Variants in CPED1 observed in about 807,000 individuals in gnomAD.
CPED1 encodes the protein cadherin-like and PC-esterase domain-containing protein 1.
Under a neutral mutation model 128.2 loss-of-function variants are expected in CPED1, and 114 were observed. That is an observed-to-expected ratio of 0.89 (90% CI 0.76 to 1.04). CPED1 has a LOEUF of 1.04. Ranked by LOEUF, CPED1 falls within the 50% of genes least tolerant of loss-of-function variation. CPED1 has a pLI of 0.00. For synonymous variants in CPED1, 462 were observed against 426.7 expected, an observed-to-expected ratio of 1.08 and a Z score of -1.02; for missense variants, 1,211 against 1,207.1, an observed-to-expected ratio of 1.00 and a Z score of -0.05.
intron 8 of CPED1, 55 bp downstream of exon 8, chr7:121,124,528 T>C: frequency 7.8e-7 from 1 of 1,279,872 alleles, no homozygotes; most frequent in Non-Finnish European, 1.0e-6. Flanking sequence ...GCAACCTATC[T>C]TTTAAAAATT....
chr7:121,231,261 C>A (rs1798134069), intron 16 of CPED1, among the ~76,000 whole-genome samples: 1 of 152,004 alleles, frequency 6.6e-6, no homozygotes, highest in Non-Finnish European at 1.5e-5. Context: ...AAAGAAGCAA[C>A]CTTCACAGAT....
Position 121,210,767 on chromosome 7 carries a change from C to A in CPED1, c.2056-25947C>A, listed in dbSNP as rs115394206. Among the ~76,000 whole-genome samples the A allele has an allele frequency of 3.3e-5, 5 of 151,340 alleles. No homozygotes were observed. In the South Asian group the frequency reaches 1.0e-3, roughly 32 times the overall value. On this transcript the variant is annotated intron_variant, in intron 16 of 22. Transcript: ENST00000310396. Reference sequence around the variant, plus strand: ...ATAGCACGAGAGTGACTACAGTCAACAATAATCTATTATACATTTGAAAAT... The same window carrying A: ...ATAGCACGAGAGTGACTACAGTCAAAAATAATCTATTATACATTTGAAAAT...
At chr7:121,057,354 T>C (rs1360318107) in intron 4 of CPED1, among the ~76,000 whole-genome samples, 1 of 152,170 alleles carries the variant, frequency 6.6e-6, no homozygotes, top group African/African-American at 2.4e-5. Flanking sequence ...GGGTATATTG[T>C]ATAATGCTGA....
rs191631967 is a variant in CPED1 at position 120,998,009 on chromosome 7, G to T, written c.249+8139G>T. 1.6e-3 allele frequency among the ~76,000 whole-genome samples: 241 copies of T among 151,594 alleles called. 2 individuals carry two copies. Among genetic ancestry groups the T allele is most frequent in the African/African-American group, 5.6e-3 (231 of 41,360 alleles). On this transcript the variant is annotated intron_variant, in intron 2 of 22. Coordinates refer to ENST00000310396, the MANE Select transcript of CPED1 (RefSeq NM_024913.5). ...TAAAAAGAAGAGGACAGCATAGGAAGACAGAGACACACAGGGAGAATGCCA... is the reference window on the plus strand; with the variant it reads ...TAAAAAGAAGAGGACAGCATAGGAATACAGAGACACACAGGGAGAATGCCA...
rs191872434 is a variant in CPED1, at chr7:121,082,192, A to T, written c.617-15507A>T. 5.7e-4 allele frequency among the ~76,000 whole-genome samples: 87 copies of T among 152,290 alleles called. 1 individual carries two copies. The highest frequency in any genetic ancestry group is 1.9e-3 in the African/African-American group (80 of 41,560). ...TTTTCTAGACTTGTAAAATGGAAAT[A>T]ATTAAACTGACCATTCTTTCCTTAT... On this transcript the variant is annotated intron_variant, in intron 5 of 22. Transcript: ENST00000310396.
intron 16 of CPED1, among the ~76,000 whole-genome samples, chr7:121,148,195 A>G (rs1796069293): frequency 6.6e-6 from 1 of 152,308 alleles, no homozygotes; most frequent in East Asian, 1.9e-4. Context: ...CAACAATACA[A>G]TATGTGCTAT....
At chr7:121,211,963 T>G (rs1173642229) in intron 16 of CPED1, among the ~76,000 whole-genome samples, 1 of 152,026 alleles carries the variant, frequency 6.6e-6, no homozygotes, top group African/African-American at 2.4e-5. Flanking sequence ...TGACATTTCT[T>G]CACTACACCT....
intron 3 of CPED1, among the ~76,000 whole-genome samples, chr7:121,021,623 G>T (rs947906984): frequency 6.6e-6 from 1 of 151,968 alleles, no homozygotes; most frequent in Admixed American, 6.6e-5. Context: ...AAATTAAAAA[G>T]TATAAGCATT....
chr7:120,989,734 C>A lies in CPED1; in HGVS notation c.113C>A (p.Ser38Ter), dbSNP rs149960034. Residue 38 changes from serine (S) to a stop codon, truncating the protein, a stop_gained, in exon 2 of 23, where the codon TCG becomes TAG. Coordinates refer to ENST00000310396, the MANE Select transcript of CPED1 (RefSeq NM_024913.5). LOFTEE classifies it high-confidence loss of function. The part of the protein sequence containing the change: ...LFYQTLTLRG[S>*]RKLTAAAPGA... The stretch of plus-strand genomic sequence containing the variant: ...TACCAGACTCTGACCCTCCGAGGGT[C>A]GAGGAAGCTCACAGCCGCTGCCCCT... The A allele has an allele frequency of 6.2e-7, 1 of 1,613,836 alleles. No individual in the cohort carries two copies. The highest frequency in any genetic ancestry group is 1.7e-5 in the Admixed American group (1 of 59,984).
intron 9 of CPED1, 39 bp from the exon 10 acceptor site, chr7:121,127,051 T>A: frequency 7.0e-7 from 1 of 1,428,354 alleles, no homozygotes; most frequent in Non-Finnish European, 9.4e-7. Flanking sequence ...TAAAAGTAAA[T>A]CGATGAAAAA....
chr7:120,992,869 T>C (rs926528513), intron 2 of CPED1, among the ~76,000 whole-genome samples: 1 of 152,188 alleles, frequency 6.6e-6, no homozygotes, highest in Non-Finnish European at 1.5e-5. Flanking sequence ...TGATGGTGGG[T>C]GACTTTACCC....
intron 16 of CPED1, among the ~76,000 whole-genome samples, chr7:121,210,193 C>T (rs1797611625): frequency 6.6e-6 from 1 of 151,856 alleles, no homozygotes; most frequent in East Asian, 1.9e-4. Context: ...AAAGGAGAAC[C>T]TTATATGCTG....
At chr7:121,219,761 A>G (rs1377930543) in intron 16 of CPED1, among the ~76,000 whole-genome samples, 1 of 152,046 alleles carries the variant, frequency 6.6e-6, no homozygotes, top group Non-Finnish European at 1.5e-5. Context: ...AGCCGTATGT[A>G]CTATCCTCTA....
chr7:121,261,270 C>G (rs1009180083), intron 18 of CPED1, among the ~76,000 whole-genome samples: 2 of 152,066 alleles, frequency 1.3e-5, no homozygotes, highest in African/African-American at 4.8e-5. Context: ...TATTATTCAT[C>G]TCAGAAAACC....
chr7:121,115,845 A>T (rs530587776), intron 7 of CPED1, among the ~76,000 whole-genome samples: 1 of 152,350 alleles, frequency 6.6e-6, no homozygotes, highest in African/African-American at 2.4e-5. Flanking sequence ...ATTCATATAA[A>T]GAAAATGAGC....
Position 121,297,022 on chromosome 7 carries a change from A to G in CPED1, c.*1370A>G, listed in dbSNP as rs1055639454. ...TATTTTTATATATATTTTTATATGA[A>G]GATAAACATGAATTTATATTTAACT... On this transcript the variant is annotated 3_prime_UTR_variant, in exon 23 of 23. Transcript: ENST00000310396. 4 of 152,034 alleles carry G rather than the reference A, an allele frequency of 2.6e-5. No individual in the cohort carries two copies. The highest frequency in any genetic ancestry group is 6.6e-5 in the Admixed American group (1 of 15,264). 9.4% of individuals were successfully genotyped at this position (152,034 alleles called of 1,614,324 possible). A position where few individuals can be genotyped will look rare whatever the true frequency, so the allele number is the denominator to read the frequency against.
intron 7 of CPED1, among the ~76,000 whole-genome samples, chr7:121,122,322 G>C (rs1484950797): frequency 6.6e-6 from 1 of 151,910 alleles, no homozygotes; most frequent in Non-Finnish European, 1.5e-5. Context: ...TGTATTTTTA[G>C]TAGAGATGGG....
At chr7:121,247,862 C>T (rs1295530008) in intron 18 of CPED1, among the ~76,000 whole-genome samples, 1 of 152,196 alleles carries the variant, frequency 6.6e-6, no homozygotes, top group Non-Finnish European at 1.5e-5. Flanking sequence ...TTATCCCCAG[C>T]CTACTGCTTA....
intron 14 of CPED1, among the ~76,000 whole-genome samples, chr7:121,140,321 A>G (rs1290556031): frequency 6.6e-6 from 1 of 151,956 alleles, no homozygotes; most frequent in Non-Finnish European, 1.5e-5. Flanking sequence ...TCTGTTTGGT[A>G]TAATGCTGGA....
Sources: gnomAD v4.1 joint callset for allele counts (sites outside exome capture counted in the v4.1 genomes callset) on GRCh38, gnomAD v4.1.1 for gene constraint, MANE v1.5 for transcripts, NCBI Gene and HGNC (gene_info 2026-07-23, HGNC 2026-07-21) for gene names.